The following PLCB1 variants were observed in gnomAD, a reference collection of about 807,000 sequenced individuals.
The protein encoded by PLCB1 is phospholipase C beta 1, also known as 1-phosphatidylinositol 4,5-bisphosphate phosphodiesterase beta-1.
PLCB1 carries 46 observed loss-of-function variants against 161.8 expected under a neutral mutation model. The observed-to-expected ratio is 0.28, with a 90% confidence interval of 0.22 to 0.36. PLCB1 has a LOEUF of 0.36. PLCB1 is among the 10% of genes least tolerant of loss of function. The pLI is 1.00. For synonymous variants in PLCB1, 517 were observed against 503.7 expected (o/e 1.03, Z -0.35); for missense variants, 1,016 against 1,472.5 (o/e 0.69, Z 5.07).
chr20:8,610,919 A>G (rs919205853), intron 3 of PLCB1, among the ~76,000 whole-genome samples: 2 of 152,012 alleles, frequency 1.3e-5, no homozygotes, highest in Admixed American at 6.6e-5. Context: ...CATTATGATA[A>G]TGATGAGAAG....
chr20:8,605,245 C>T (rs1987721703), intron 3 of PLCB1, among the ~76,000 whole-genome samples: 1 of 152,016 alleles, frequency 6.6e-6, no homozygotes, highest in African/African-American at 2.4e-5. Context: ...CAGTTAATAA[C>T]AAACAGCATA....
intron 2 of PLCB1, among the ~76,000 whole-genome samples, chr20:8,218,285 C>T (rs561635867): frequency 5.9e-5 from 9 of 152,174 alleles, no homozygotes; most frequent in Admixed American, 4.6e-4. Flanking sequence ...TATCTAAAGG[C>T]GCTTTGGCTC....
At chr20:8,225,626 A>G (rs1364088504) in intron 2 of PLCB1, among the ~76,000 whole-genome samples, 1 of 152,148 alleles carries the variant, frequency 6.6e-6, no homozygotes, top group Non-Finnish European at 1.5e-5. Context: ...ACTTTCTGCT[A>G]TTTTTGCTCT....
chr20:8,426,834 A>G (rs910202799), intron 3 of PLCB1, among the ~76,000 whole-genome samples: 3 of 152,232 alleles, frequency 2.0e-5, no homozygotes, highest in Non-Finnish European at 4.4e-5. Flanking sequence ...TTAAAAATAC[A>G]TATAGGCTGA....
At chr20:8,273,033 A>G (rs750720633) in intron 2 of PLCB1, among the ~76,000 whole-genome samples, 6 of 152,202 alleles carry the variant, frequency 3.9e-5, no homozygotes, top group Non-Finnish European at 7.4e-5. Context: ...TAAAGCAATG[A>G]CAATTAAAAT....
chr20:8,613,169 A>C (rs2123176717), intron 3 of PLCB1, among the ~76,000 whole-genome samples: 1 of 152,376 alleles, frequency 6.6e-6, no homozygotes, highest in East Asian at 1.9e-4. Flanking sequence ...AGTGCCCAAT[A>C]CTGTCCAATA....
intron 3 of PLCB1, among the ~76,000 whole-genome samples, chr20:8,378,154 C>T (rs560400173): frequency 5.3e-5 from 8 of 152,296 alleles, no homozygotes; most frequent in African/African-American, 1.7e-4. Flanking sequence ...CATACACTTA[C>T]AATGGAATAT....
intron 19 of PLCB1, 28 bp from the exon 20 acceptor site, chr20:8,737,000 T>C (rs373411023): frequency 4.5e-5 from 70 of 1,566,798 alleles, no homozygotes; most frequent in African/African-American, 9.5e-5. Flanking sequence ...AAATTCCTTA[T>C]GGATTGATTG....
At position 8,324,412 on chromosome 20, in the gene PLCB1, TAGAG is replaced by T. The variant is rs530573117; in HGVS notation, c.178-46965_178-46962del. Reference sequence around the variant, plus strand: ...GAAATTATAAACAATAGGCTTTGTATAGAGAGAGTAGGTGGATCATATTAGGCAA... The same window carrying T: ...GAAATTATAAACAATAGGCTTTGTATAGAGTAGGTGGATCATATTAGGCAA... On this transcript the variant is annotated intron_variant, in intron 2 of 31. Coordinates refer to ENST00000338037, the MANE Select transcript of PLCB1 (RefSeq NM_015192.4). Among the ~76,000 whole-genome samples, 32 of 152,322 alleles carry T rather than the reference TAGAG, an allele frequency of 2.1e-4. 1 individual carries two copies. In the South Asian group the frequency reaches 4.1e-3, roughly 20 times the overall value.
At chr20:8,500,472 A>T (rs1053705889) in intron 3 of PLCB1, among the ~76,000 whole-genome samples, 1 of 152,206 alleles carries the variant, frequency 6.6e-6, no homozygotes, top group Non-Finnish European at 1.5e-5. Flanking sequence ...TTATGATATG[A>T]GCAATGATGG....
At chr20:8,406,171 G>A (rs972577768) in intron 3 of PLCB1, among the ~76,000 whole-genome samples, 8 of 152,108 alleles carry the variant, frequency 5.3e-5, no homozygotes, top group Admixed American at 3.3e-4. Flanking sequence ...TGGCTTTGAT[G>A]GAAGAAGGAA....
intron 2 of PLCB1, among the ~76,000 whole-genome samples, chr20:8,267,012 G>A (rs1981992802): frequency 6.6e-6 from 1 of 150,402 alleles, no homozygotes. Context: ...ACTCCAGTCT[G>A]GGCAACGAGA....
At chr20:8,662,231 T>A (rs2123335192) in intron 9 of PLCB1, among the ~76,000 whole-genome samples, 2 of 111,698 alleles carry the variant, frequency 1.8e-5, no homozygotes, top group East Asian at 5.7e-4. Flanking sequence ...TATATAATTC[T>A]ATATATAATT....
At chr20:8,391,169 T>G (rs1987573575) in intron 3 of PLCB1, among the ~76,000 whole-genome samples, 1 of 152,066 alleles carries the variant, frequency 6.6e-6, no homozygotes, top group Non-Finnish European at 1.5e-5. Context: ...ATATAGATTG[T>G]CACTATAATC....
intron 3 of PLCB1, among the ~76,000 whole-genome samples, chr20:8,588,243 G>T (rs1214536659): frequency 6.6e-6 from 1 of 152,256 alleles, no homozygotes; most frequent in East Asian, 1.9e-4. Flanking sequence ...GAAGATGAAA[G>T]AAATAATTTT....
chr20:8,382,659 C>G (rs1987295766), intron 3 of PLCB1, among the ~76,000 whole-genome samples: 1 of 151,864 alleles, frequency 6.6e-6, no homozygotes, highest in African/African-American at 2.4e-5. Context: ...CACCATTCTC[C>G]TGCCTCAGCC....
intron 3 of PLCB1, among the ~76,000 whole-genome samples, chr20:8,508,484 T>C (rs1983737770): frequency 6.6e-6 from 1 of 152,204 alleles, no homozygotes; most frequent in Non-Finnish European, 1.5e-5. Context: ...CGGTTGTTCA[T>C]CTTTAGATGG....
intron 31 of PLCB1, among the ~76,000 whole-genome samples, chr20:8,803,235 G>A (rs557509348): frequency 5.3e-5 from 8 of 151,804 alleles, no homozygotes; most frequent in Non-Finnish European, 1.2e-4. Context: ...GTCTGAGTGG[G>A]GCCGGAAAGT....
At chr20:8,425,917 T>C (rs1254704368) in intron 3 of PLCB1, among the ~76,000 whole-genome samples, 1 of 152,236 alleles carries the variant, frequency 6.6e-6, no homozygotes, top group Non-Finnish European at 1.5e-5. Flanking sequence ...AGAGCACTTC[T>C]GTGCTGTTTT....
Sources: gnomAD v4.1 joint callset for allele counts (sites outside exome capture counted in the v4.1 genomes callset) on GRCh38, gnomAD v4.1.1 for gene constraint, MANE v1.5 for transcripts, NCBI Gene and HGNC (gene_info 2026-07-23, HGNC 2026-07-21) for gene names.